The following GTF2A1L variants were observed in gnomAD, a reference collection of about 807,000 sequenced individuals.
GTF2A1L encodes TFIIA-alpha and beta-like factor.
A neutral mutation model predicts 49.7 loss-of-function variants in GTF2A1L; 48 were observed. The observed-to-expected ratio is 0.97, with a 90% CI of 0.77 to 1.23. The LOEUF (loss-of-function observed/expected upper bound fraction) is 1.23. Ranked by LOEUF, GTF2A1L falls within the 50% of genes most tolerant of loss-of-function variation. The pLI, the probability that GTF2A1L is intolerant of heterozygous loss-of-function variation, is 0.00. For synonymous variants in GTF2A1L, 246 were observed against 193.5 expected (o/e 1.27, Z -2.25); for missense variants, 736 against 564.8 (o/e 1.30, Z -3.07).
chr2:48,626,071 A>C (rs1235248116), intron 3 of GTF2A1L, among the ~76,000 whole-genome samples: 1 of 144,018 alleles, frequency 6.9e-6, no homozygotes, highest in Non-Finnish European at 1.6e-5. Context: ...AGTCCATTTC[A>C]TTCTTTTGTG....
chr2:48,648,249 T>G (rs1677648054), intron 6 of GTF2A1L, among the ~76,000 whole-genome samples: 1 of 152,128 alleles, frequency 6.6e-6, no homozygotes, highest in Non-Finnish European at 1.5e-5. Context: ...TAACATAACA[T>G]ATAACACTTA....
intron 3 of GTF2A1L, among the ~76,000 whole-genome samples, chr2:48,640,175 G>T (rs574700342): frequency 3.9e-4 from 60 of 152,144 alleles, no homozygotes; most frequent in Non-Finnish European, 6.9e-4. Flanking sequence ...ACTGCTATTT[G>T]ACCCAGCAAT....
intron 6 of GTF2A1L, among the ~76,000 whole-genome samples, chr2:48,663,962 A>G (rs1201442098): frequency 2.0e-5 from 3 of 152,230 alleles, no homozygotes; most frequent in Admixed American, 1.3e-4. Flanking sequence ...TTGCTACTAT[A>G]TAGATATGCA....
chr2:48,667,378 C>G (rs1319305126), intron 6 of GTF2A1L, among the ~76,000 whole-genome samples: 1 of 152,148 alleles, frequency 6.6e-6, no homozygotes, highest in Non-Finnish European at 1.5e-5. Context: ...TATGTCCCAT[C>G]TGTAAGGGCT....
intron 3 of GTF2A1L, among the ~76,000 whole-genome samples, chr2:48,625,199 C>T (rs951149941): frequency 2.1e-5 from 3 of 143,832 alleles, no homozygotes; most frequent in African/African-American, 7.4e-5. Context: ...GGTTTCCTTT[C>T]CTCTGTACTC....
chr2:48,643,924 C>T (rs1262391843), intron 4 of GTF2A1L, among the ~76,000 whole-genome samples: 1 of 152,054 alleles, frequency 6.6e-6, no homozygotes, highest in African/African-American at 2.4e-5. Context: ...GTCTCAAACT[C>T]CTGACCTCAA....
intron 3 of GTF2A1L, among the ~76,000 whole-genome samples, chr2:48,623,606 C>G (rs552819090): frequency 3.7e-4 from 57 of 152,202 alleles, no homozygotes; most frequent in African/African-American, 1.3e-3. Context: ...AAAAAGACAC[C>G]CACACTTGTA....
At chr2:48,643,786 G>A (rs1390009495) in intron 4 of GTF2A1L, among the ~76,000 whole-genome samples, 2 of 141,980 alleles carry the variant, frequency 1.4e-5, no homozygotes, top group African/African-American at 2.6e-5. Context: ...TGCAACCTCC[G>A]CCTCCCAGGT....
intron 6 of GTF2A1L, among the ~76,000 whole-genome samples, chr2:48,664,636 A>C (rs1041624079): frequency 4.6e-5 from 7 of 151,962 alleles, no homozygotes; most frequent in Non-Finnish European, 8.8e-5. Context: ...CTGAATTTAG[A>C]ATTTTTCCTT....
intron 3 of GTF2A1L, 61 bp downstream of exon 3, chr2:48,621,351 A>C (rs770219789): frequency 6.2e-7 from 1 of 1,610,310 alleles, no homozygotes; most frequent in Non-Finnish European, 8.5e-7. Context: ...TCATTTGGGA[A>C]TGTTTTTCAG....
chr2:48,676,809 A>ATATATC (rs570291396), intron 8 of GTF2A1L, among the ~76,000 whole-genome samples: 24 of 151,478 alleles, frequency 1.6e-4, no homozygotes, highest in Admixed American at 3.9e-4. Context: ...ATATATATCT[A>ATATATC]TATATCTATA....
chr2:48,645,046 C>G lies in GTF2A1L; in HGVS notation c.317C>G (p.Ser106Cys). The G allele has an allele frequency of 3.1e-6, 5 of 1,611,742 alleles. No individual in the cohort carries two copies. The highest frequency in any genetic ancestry group is 1.3e-5 in the African/African-American group (1 of 74,898). ...FTTAELGTSN[S>C]SANFTFPGYP... ...TCTTATATCTAGGGCACTTCAAACTCCAGTGCAAACTTTACTTTTCCTGGT... is the reference window on the plus strand; with the variant it reads ...TCTTATATCTAGGGCACTTCAAACTGCAGTGCAAACTTTACTTTTCCTGGT... The change falls in exon 5 of 9, where the codon TCC becomes TGC. Residue 106 changes from serine (S) to cysteine (C), a missense_variant. Ser to Cys is a moderately radical substitution (Grantham distance 112). Transcript: ENST00000403751.
At chr2:48,632,373 C>T (rs1474390975) in intron 3 of GTF2A1L, 2 of 151,558 alleles carry the variant, frequency 1.3e-5, no homozygotes, top group Non-Finnish European at 2.9e-5. Context: ...TTTAGACAAC[C>T]TACTTGACAA....
Position 48,669,708 on chromosome 2 carries a change from C to G in GTF2A1L, c.979-14C>G. 6.3e-7 allele frequency: 1 copy of G among 1,593,386 alleles called. No individual in the cohort carries two copies. On this transcript the variant is annotated splice_polypyrimidine_tract_variant and intron_variant, in intron 6 of 8. Coordinates refer to ENST00000403751, the MANE Select transcript of GTF2A1L (RefSeq NM_006872.5). ...ATTTGACTTGAACTTTATTGTATTT[C>G]TTTCTCTTTTTAGGATTCTAATTCT... is the stretch of plus-strand genomic sequence containing the variant.
chr2:48,649,679 G>T (rs1274308719), intron 6 of GTF2A1L, among the ~76,000 whole-genome samples: 1 of 152,164 alleles, frequency 6.6e-6, no homozygotes, highest in Non-Finnish European at 1.5e-5. Context: ...CTCTCTTCCT[G>T]GTGGCTTCCA....
At chr2:48,651,971 T>C (rs755789413) in intron 6 of GTF2A1L, among the ~76,000 whole-genome samples, 11 of 152,228 alleles carry the variant, frequency 7.2e-5, no homozygotes, top group Admixed American at 3.9e-4. Context: ...GTACAACTCC[T>C]GGCTATTTTG....
At position 48,628,406 on chromosome 2, in the gene GTF2A1L, A is replaced by G. The variant is rs113942160; in HGVS notation, c.247+7116A>G. On this transcript the variant is annotated intron_variant, in intron 3 of 8. Coordinates refer to ENST00000403751, the MANE Select transcript of GTF2A1L (RefSeq NM_006872.5). ...GCATTGGTTGCTTTTTGACTTTTTAATAATAGCCATTGTGACTGGTGTGAG... is the reference window on the plus strand; with the variant it reads ...GCATTGGTTGCTTTTTGACTTTTTAGTAATAGCCATTGTGACTGGTGTGAG... 3.2e-3 allele frequency among the ~76,000 whole-genome samples: 464 copies of G among 143,936 alleles called. 41 individuals carry two copies. Among genetic ancestry groups the G allele is most frequent in the African/African-American group, 0.011 (446 of 40,504 alleles). 94.4% of individuals were successfully genotyped at this position (143,936 alleles called of 152,430 possible). A position where few individuals can be genotyped will look rare whatever the true frequency, so the allele number is the denominator to read the frequency against.
chr2:48,638,764 G>T (rs1677042657), intron 3 of GTF2A1L, among the ~76,000 whole-genome samples: 1 of 152,072 alleles, frequency 6.6e-6, no homozygotes, highest in Admixed American at 6.5e-5. Flanking sequence ...CATCCAAATA[G>T]AAAAGAAGAA....
intron 3 of GTF2A1L, chr2:48,633,252 A>AC (rs892189975): frequency 4.7e-4 from 55 of 115,844 alleles, no homozygotes; most frequent in African/African-American, 8.2e-4. Flanking sequence ...CTTCTTCCCC[A>AC]CCCCCCCGTC....
Sources: allele counts gnomAD v4.1 joint callset (sites outside exome capture counted in the v4.1 genomes callset), GRCh38; gene constraint gnomAD v4.1.1; transcripts MANE v1.5; gene names NCBI Gene and HGNC (gene_info 2026-07-23, HGNC 2026-07-21).